Variants in STS observed in about 807,000 individuals in gnomAD.
The protein encoded by STS is steroid sulfatase.
A neutral mutation model predicts 26.8 loss-of-function variants in STS; 7 were observed. The observed-to-expected ratio is 0.26, with a 90% CI of 0.15 to 0.49. The LOEUF (loss-of-function observed/expected upper bound fraction) is 0.49, where lower values mean the gene tolerates loss of function less well. Ranked by LOEUF, STS falls within the 20% of genes least tolerant of loss-of-function variation. The probability of loss-of-function intolerance (pLI) is 0.98; values close to 1 mark genes in which losing one functional copy is unlikely to be tolerated. For missense variants in STS, 434 were observed against 465.6 expected (o/e 0.93, Z 0.63); for synonymous variants, 199 against 189.4 (o/e 1.05, Z -0.42).
chrX:7,178,407 C>A (rs1298442149), intron 1 of STS, among the ~76,000 whole-genome samples: 3 of 111,772 alleles, frequency 2.7e-5, no homozygotes, highest in Non-Finnish European at 5.6e-5. Flanking sequence ...GCTGTAGATA[C>A]AATGAAGGGA....
In STS at chrX:7,334,070, C is replaced by A. The variant is rs765525737; in HGVS notation, c.1326C>A (p.Asn442Lys). Residue 442 changes from asparagine (N) to lysine (K), a missense_variant, in exon 10 of 11, where the codon AAC becomes AAA. Asn to Lys is a moderately conservative substitution (Grantham distance 94, BLOSUM62 0). Around this residue, in one of 2 missense-constraint regions of STS, gnomAD observed 205 missense variants for 177.3 expected, o/e 1.16. Transcript: ENST00000674429. ...SDHEFLFHYC[N>K]AYLNAVRWHP... The stretch of plus-strand genomic sequence containing the variant: ...ATGAGTTTCTCTTCCATTACTGCAA[C>A]GCCTACTTAAATGCTGTGCGCTGGC... 8.3e-7 allele frequency: 1 copy of A among 1,211,385 alleles called. No homozygotes were observed. The highest frequency in any genetic ancestry group is 2.2e-5 in the Admixed American group (1 of 45,993).
chrX:7,221,569 A>G (rs992138456), intron 2 of STS, among the ~76,000 whole-genome samples: 2 of 111,899 alleles, frequency 1.8e-5, no homozygotes, highest in Admixed American at 1.9e-4. Flanking sequence ...ACAGGAGGCC[A>G]ATGTCGTTCC....
At chrX:7,152,204 A>G (rs200763101) in intron 1 of STS, among the ~76,000 whole-genome samples, 15 of 111,484 alleles carry the variant, frequency 1.3e-4, no homozygotes, top group Middle Eastern at 4.8e-3. Context: ...CGCCCCCCTC[A>G]GCCTCCCAAA....
intron 1 of STS, among the ~76,000 whole-genome samples, chrX:7,150,203 A>T (rs1037484309): frequency 5.4e-5 from 6 of 111,853 alleles, no homozygotes; most frequent in Non-Finnish European, 1.1e-4. Context: ...TCATTAAATT[A>T]AAAAAGAGTA....
At chrX:7,152,109 T>C (rs1256300998) in intron 1 of STS, among the ~76,000 whole-genome samples, 4 of 109,759 alleles carry the variant, frequency 3.6e-5, no homozygotes, top group East Asian at 2.9e-4. Context: ...CCCGCCACTA[T>C]GCCTGGCTAG....
At chrX:7,205,066 T>C (rs1164661940) in intron 2 of STS, among the ~76,000 whole-genome samples, 2 of 111,822 alleles carry the variant, frequency 1.8e-5, no homozygotes, top group Non-Finnish European at 3.8e-5. Context: ...GGCTTGGGCA[T>C]GTGTGGTACC....
At chrX:7,237,023 G>A (rs973842805) in intron 2 of STS, among the ~76,000 whole-genome samples, 8 of 110,838 alleles carry the variant, frequency 7.2e-5, no homozygotes, top group African/African-American at 2.6e-4. Flanking sequence ...TCATAAGGCA[G>A]AGAGAGAAAA....
chrX:7,163,496 A>G (rs1933290813), intron 1 of STS, among the ~76,000 whole-genome samples: 1 of 111,830 alleles, frequency 8.9e-6, no homozygotes, highest in African/African-American at 3.3e-5. Context: ...CTGGGTCTCA[A>G]CTTGTCACCT....
At chrX:7,297,943 T>G (rs1479568259) in intron 7 of STS, among the ~76,000 whole-genome samples, 1 of 111,622 alleles carries the variant, frequency 9.0e-6, no homozygotes, top group Non-Finnish European at 1.9e-5. Flanking sequence ...TGCAAGAGTT[T>G]CATTTCCAGT....
intron 2 of STS, among the ~76,000 whole-genome samples, chrX:7,238,665 C>G (rs1289971636): frequency 9.1e-6 from 1 of 110,353 alleles, no homozygotes; most frequent in African/African-American, 3.3e-5. Flanking sequence ...CCCATCTCTA[C>G]AAAAATTTTT....
At chrX:7,346,458 T>TA (rs33973441) in intron 10 of STS, among the ~76,000 whole-genome samples, 111 of 80,753 alleles carry the variant, frequency 1.4e-3, no homozygotes, top group Middle Eastern at 6.6e-3. Context: ...CTTAAACAAG[T>TA]AAAAAAAAAA....
intron 8 of STS, among the ~76,000 whole-genome samples, chrX:7,318,846 G>T (rs1926835931): frequency 9.0e-6 from 1 of 110,932 alleles, no homozygotes; most frequent in Non-Finnish European, 1.9e-5. Context: ...CCTGAGCAGG[G>T]GTAAGCTACT....
chrX:7,325,565 G>A, intron 9 of STS, 67 bp downstream of exon 9: 3 of 1,161,019 alleles, frequency 2.6e-6, no homozygotes, highest in South Asian at 3.6e-5. Flanking sequence ...GCTCTGGTTT[G>A]CCTGCATAAT....
chrX:7,339,246 A>G (rs1928173954), intron 10 of STS, among the ~76,000 whole-genome samples: 1 of 111,530 alleles, frequency 9.0e-6, no homozygotes, highest in South Asian at 3.8e-4. Context: ...AATCCTCAGA[A>G]TTAGGATCTA....
At chrX:7,319,976 A>G (rs7064406) in intron 8 of STS, among the ~76,000 whole-genome samples, 1 of 86,969 alleles carries the variant, frequency 1.1e-5, no homozygotes, top group Admixed American at 1.4e-4. Flanking sequence ...TTTTATATAT[A>G]TGTATATATA....
chrX:7,208,907 C>T (rs1298087674), intron 2 of STS, among the ~76,000 whole-genome samples: 1 of 111,329 alleles, frequency 9.0e-6, no homozygotes, highest in East Asian at 2.8e-4. Context: ...ACCTACCTTC[C>T]GGGCTGCTGG....
At chrX:7,150,693 T>C (rs1354201346) in intron 1 of STS, among the ~76,000 whole-genome samples, 1 of 110,749 alleles carries the variant, frequency 9.0e-6, no homozygotes, top group Middle Eastern at 4.2e-3. Flanking sequence ...TTCTACACTT[T>C]TCAGTAACAT....
At chrX:7,235,632 A>G (rs1204463598) in intron 2 of STS, among the ~76,000 whole-genome samples, 1 of 111,583 alleles carries the variant, frequency 9.0e-6, no homozygotes, top group African/African-American at 3.3e-5. Flanking sequence ...AATTGGCCAG[A>G]CAGACACAGT....
intron 1 of STS, among the ~76,000 whole-genome samples, chrX:7,185,281 CAG>C (rs1363874653): frequency 8.9e-6 from 1 of 112,854 alleles, no homozygotes; most frequent in Non-Finnish European, 1.9e-5. Flanking sequence ...TCATCTAGGT[CAG>C]GGGTTGCAAA....
Sources: allele counts gnomAD v4.1 joint callset (sites outside exome capture counted in the v4.1 genomes callset), GRCh38; gene constraint gnomAD v4.1.1; regional missense constraint gnomAD v4.1.1; transcripts MANE v1.5; gene names NCBI Gene and HGNC (gene_info 2026-07-23, HGNC 2026-07-21).